PIEZO1: variants seen among roughly 807,000 people sequenced by gnomAD.
PIEZO1 encodes the protein piezo type mechanosensitive ion channel component 1 (Er blood group).
A neutral mutation model predicts 297.2 loss-of-function variants in PIEZO1; 296 were observed. The observed-to-expected ratio is 1.00, with a 90% confidence interval of 0.91 to 1.10. PIEZO1 has a LOEUF of 1.10. PIEZO1 is among the 50% of genes least tolerant of loss of function. The probability of loss-of-function intolerance (pLI) is 0.00; values close to 1 mark genes in which losing one functional copy is unlikely to be tolerated. For synonymous variants in PIEZO1, 2,427 were observed against 1,507.5 expected, an observed-to-expected ratio of 1.61 and a Z score of -14.13; for missense variants, 5,018 against 3,455.5, an observed-to-expected ratio of 1.45 and a Z score of -11.34.
At chr16:88,760,188 C>G (rs906643773) in intron 1 of PIEZO1, among the ~76,000 whole-genome samples, 2 of 152,028 alleles carry the variant, frequency 1.3e-5, no homozygotes, top group South Asian at 4.2e-4. Context: ...TGACCCCGGC[C>G]GTGGCTACAG....
chr16:88,727,368 G>A (rs1297319005), intron 23 of PIEZO1, among the ~76,000 whole-genome samples, 176 bp from the exon 24 acceptor site: 1 of 152,232 alleles, frequency 6.6e-6, no homozygotes, highest in African/African-American at 2.4e-5. Context: ...GAGGGCATCT[G>A]CACAAGGGCT....
chr16:88,736,051 C>A, intron 12 of PIEZO1, 97 bp downstream of exon 12: 1 of 1,248,838 alleles, frequency 8.0e-7, no homozygotes. Flanking sequence ...GCCTTCTTGG[C>A]GCTGCCACTC....
chr16:88,749,314 G>T (rs904877631), intron 2 of PIEZO1, 70 bp downstream of exon 2: 30 of 1,013,134 alleles, frequency 3.0e-5, no homozygotes, highest in Non-Finnish European at 4.1e-5. Flanking sequence ...AAAGCTGTAC[G>T]AATTTTGGCC....
rs555952412 is a variant in PIEZO1, at chr16:88,758,490, C to T, written c.65-9011G>A. ...TACCCGTGGCTCATAGCAGCTCATG[C>T]GTAACTGCTTCTCCCTGAGCCTATG... is the stretch of plus-strand genomic sequence containing the variant. On this transcript the variant is annotated intron_variant, in intron 1 of 50. Transcript: ENST00000301015. Among the ~76,000 whole-genome samples the T allele has an allele frequency of 6.6e-5, 10 of 152,312 alleles. No homozygotes were observed. In the South Asian group the frequency reaches 8.3e-4, roughly 13 times the overall value.
At chr16:88,743,794 C>G (rs891539349) in intron 2 of PIEZO1, 7 of 390,640 alleles carry the variant, frequency 1.8e-5, no homozygotes, top group African/African-American at 1.2e-4. Flanking sequence ...ACCAGCTTCT[C>G]ACACTCACAC....
chr16:88,734,696 CCTGGAA>C lies in PIEZO1; in HGVS notation c.1945_1950del (p.Phe649_Gln650del), dbSNP rs1905087508. 6.5e-7 allele frequency: 1 copy of C among 1,550,362 alleles called. No homozygotes were observed. The highest frequency in any genetic ancestry group is 8.7e-7 in the Non-Finnish European group (1 of 1,146,960). On this transcript the variant is annotated inframe_deletion, in exon 15 of 51. Transcript: ENST00000301015. ...AGGTTGCGCCAGTAGGCAGGGAAGT[CCTGGAA>C]CTGGAAGGTGTAGACGGCGATGAGG...
chr16:88,759,024 C>A (rs994601316), intron 1 of PIEZO1, among the ~76,000 whole-genome samples: 1 of 152,190 alleles, frequency 6.6e-6, no homozygotes, highest in Non-Finnish European at 1.5e-5. Context: ...GGTCCTTGGT[C>A]CCCCCTACCC....
chr16:88,764,641 C>T (rs1907087379), intron 1 of PIEZO1, among the ~76,000 whole-genome samples: 1 of 151,568 alleles, frequency 6.6e-6, no homozygotes, highest in Non-Finnish European at 1.5e-5. Flanking sequence ...ATCCCAGCTA[C>T]TCGGGAGGCT....
intron 2 of PIEZO1, among the ~76,000 whole-genome samples, chr16:88,748,293 T>C (rs1275832772): frequency 1.2e-4 from 1 of 8,066 alleles, no homozygotes; most frequent in Non-Finnish European, 2.6e-4. Flanking sequence ...TCCTAAAACG[T>C]GGGCACAAAA....
chr16:88,720,073 C>G lies in PIEZO1; in HGVS notation c.6160G>C (p.Glu2054Gln), dbSNP rs1334902592. ...CGCCCCCACGCGTGGGCCCACCTCT[C>G]AGTGACGGCGGGCAGGATGAAGAAC... is the stretch of plus-strand genomic sequence containing the variant. ...WMFFILPAVT[E>Q]RMFNQNVVAQ... is the part of the protein sequence containing the mutation. Residue 2054 changes from glutamate to glutamine, a missense_variant, in exon 42 of 51, where the codon GAG becomes CAG. Glu to Gln is a conservative substitution (Grantham distance 29). Transcript: ENST00000301015. 17 of 1,550,240 alleles carry G rather than the reference C, an allele frequency of 1.1e-5. No individual in the cohort carries two copies. Among genetic ancestry groups the G allele is most frequent in the Middle Eastern group, 1.7e-4 (1 of 5,990 alleles).
intron 1 of PIEZO1, among the ~76,000 whole-genome samples, chr16:88,772,649 G>A (rs1369755794): frequency 1.3e-5 from 2 of 152,104 alleles, no homozygotes; most frequent in Admixed American, 6.6e-5. Context: ...CGTGATGGTG[G>A]GTGCCTGTAA....
At position 88,725,634 on chromosome 16, in the gene PIEZO1, C is replaced by A; in HGVS notation, c.4019G>T (p.Arg1340Leu). The change falls in exon 28 of 51, where the codon CGC becomes CTC. Residue 1340 changes from arginine (R) to leucine (L), a missense_variant. Arg to Leu is a moderately radical substitution (Grantham distance 102, BLOSUM62 -2). Coordinates refer to ENST00000301015, the MANE Select transcript of PIEZO1 (RefSeq NM_001142864.4). Reference protein sequence around the residue: ...AANLKSIDFHRRIEEKSLAQL... With the variant: ...AANLKSIDFHLRIEEKSLAQL... ...GGCCAGGGACTTCTCCTCTATCCTG[C>A]GGTGAAAGTCAATGCTCTTGAGGTT... is the stretch of plus-strand genomic sequence containing the variant. 6.5e-7 allele frequency: 1 copy of A among 1,549,462 alleles called. No homozygotes were observed. Among genetic ancestry groups the A allele is most frequent in the Non-Finnish European group, 8.7e-7 (1 of 1,145,950 alleles).
chr16:88,724,020 C>T (rs1904306205), intron 30 of PIEZO1, 49 bp from the exon 31 acceptor site: 1 of 1,143,190 alleles, frequency 8.7e-7, no homozygotes, highest in African/African-American at 1.5e-5. Context: ...GGGAGACTCC[C>T]AGCCAGACCC....
chr16:88,724,694 CAAAAAG>C (rs1412655895), intron 30 of PIEZO1, among the ~76,000 whole-genome samples: 1 of 152,128 alleles, frequency 6.6e-6, no homozygotes, highest in Admixed American at 6.5e-5. Context: ...GACTCCATCT[CAAAAAG>C]AAACAAAAAC....
At chr16:88,753,239 C>T (rs1192255713) in intron 1 of PIEZO1, among the ~76,000 whole-genome samples, 1 of 58,614 alleles carries the variant, frequency 1.7e-5, no homozygotes, top group Non-Finnish European at 3.2e-5. Context: ...AGCACACCAG[C>T]CCCCCCAGAG....
intron 8 of PIEZO1, 43 bp from the exon 9 acceptor site, chr16:88,737,857 C>T (rs1905346625): frequency 2.0e-6 from 3 of 1,533,120 alleles, no homozygotes; most frequent in Admixed American, 3.9e-5. Flanking sequence ...CTCCACACCC[C>T]ACCCAGAGGC....
Position 88,742,461 on chromosome 16 carries a change from G to C in PIEZO1, c.161-39C>G, listed in dbSNP as rs774901827. The C allele has an allele frequency of 1.3e-5, 20 of 1,528,426 alleles. No homozygotes were observed. The African/African-American group carries it at 1.6e-4, about 13-fold the overall frequency. 94.7% of individuals were successfully genotyped at this position (1,528,426 alleles called of 1,614,324 possible). ...AGTGGGTGAGGCTGGTCCCGGGGAC[G>C]GGGAGGGGCCGCAGCCCAGGCCGCT... On this transcript the variant is annotated intron_variant, in intron 2 of 50. Transcript: ENST00000301015.
chr16:88,755,865 G>A (rs1267192062), intron 1 of PIEZO1, among the ~76,000 whole-genome samples: 1 of 152,234 alleles, frequency 6.6e-6, no homozygotes, highest in African/African-American at 2.4e-5. Context: ...GTGGCGCTCA[G>A]GAGTCAACCT....
chr16:88,784,532 C>T (rs1448625031), intron 1 of PIEZO1, among the ~76,000 whole-genome samples: 1 of 152,084 alleles, frequency 6.6e-6, no homozygotes, highest in Non-Finnish European at 1.5e-5. Flanking sequence ...TTCGTGCTCC[C>T]CCCACCACCG....
Sources: allele counts gnomAD v4.1 joint callset (sites outside exome capture counted in the v4.1 genomes callset), GRCh38; gene constraint gnomAD v4.1.1; transcripts MANE v1.5; gene names NCBI Gene and HGNC (gene_info 2026-07-23, HGNC 2026-07-21).